ACTR3: variants seen among roughly 807,000 people sequenced by gnomAD.
ACTR3 encodes the protein actin-related protein 3.
In ACTR3, 12 loss-of-function variants were observed where a neutral mutation model predicts 56.8. The observed-to-expected ratio is 0.21, with a 90% CI of 0.14 to 0.34. The LOEUF is 0.34. Among genes scored for constraint, ACTR3 ranks in the 10% least tolerant of loss-of-function variants. The pLI, the probability that ACTR3 is intolerant of heterozygous loss-of-function variation, is 1.00. For synonymous variants in ACTR3, 162 were observed against 167.4 expected, an observed-to-expected ratio of 0.97 and a Z score of 0.25; for missense variants, 282 against 512.5, an observed-to-expected ratio of 0.55 and a Z score of 4.34.
Position 113,890,270 on chromosome 2 carries a change from G to A in ACTR3, c.-10G>A. On this transcript the variant is annotated 5_prime_UTR_variant, in exon 1 of 12. Coordinates refer to ENST00000263238, the MANE Select transcript of ACTR3 (RefSeq NM_005721.5). ...GACGGCGGCAGCAGCAGCAGCAGGC[G>A]AGGAGGAAGATGGCGGGACGGCTGC... The A allele has an allele frequency of 6.4e-7, 1 of 1,551,206 alleles. No individual in the cohort carries two copies.
intron 5 of ACTR3, among the ~76,000 whole-genome samples, chr2:113,932,350 TGAG>T (rs1226766530): frequency 4.6e-5 from 7 of 152,182 alleles, no homozygotes; most frequent in African/African-American, 1.4e-4. Context: ...ATGAATAAAA[TGAG>T]GAGTTGGGAA....
intron 1 of ACTR3, among the ~76,000 whole-genome samples, chr2:113,910,445 C>T (rs1679286341): frequency 6.6e-6 from 1 of 152,030 alleles, no homozygotes; most frequent in Non-Finnish European, 1.5e-5. Context: ...GCCACTTTAG[C>T]AAATTAATTG....
Position 113,942,206 on chromosome 2 carries a change from C to T in ACTR3, c.705C>T (p.Cys235=). 3.2e-6 allele frequency: 5 copies of T among 1,580,786 alleles called. No homozygotes were observed. Among genetic ancestry groups the T allele is most frequent in the Admixed American group, 1.9e-5 (1 of 51,922 alleles). The change falls in exon 8 of 12, where the codon TGC becomes TGT. Residue 235 remains cysteine, a synonymous_variant. Coordinates refer to ENST00000263238, the MANE Select transcript of ACTR3 (RefSeq NM_005721.5). Reference sequence around the variant, plus strand: ...TTCAGGAGCGCTATAGTTATGTCTGCCCAGATTTAGTAAAAGAATTTAACA... The same window carrying T: ...TTCAGGAGCGCTATAGTTATGTCTGTCCAGATTTAGTAAAAGAATTTAACA... ...KAVKERYSYV[C]PDLVKEFNKY... is the part of the protein sequence containing the mutation.
chr2:113,927,971 A>G (rs767525890), intron 4 of ACTR3, among the ~76,000 whole-genome samples: 3 of 152,226 alleles, frequency 2.0e-5, no homozygotes, highest in Non-Finnish European at 2.9e-5. Flanking sequence ...AACATTTTCA[A>G]TTTTAACAAA....
chr2:113,942,738 A>G (rs2104620348), intron 8 of ACTR3, among the ~76,000 whole-genome samples: 1 of 152,190 alleles, frequency 6.6e-6, no homozygotes, highest in South Asian at 2.1e-4. Context: ...TATTTGTGTA[A>G]AATGACCATT....
intron 2 of ACTR3, among the ~76,000 whole-genome samples, chr2:113,914,614 CAAAAAAAAAA>C (rs55784117): frequency 2.9e-5 from 2 of 69,230 alleles, no homozygotes; most frequent in East Asian, 3.4e-4. Flanking sequence ...GACTCAGTCT[CAAAAAAAAAA>C]AAAAAAAAAG....
At position 113,960,747 on chromosome 2, in the gene ACTR3, T is replaced by C. The variant is rs1263083184; in HGVS notation, c.*3292T>C. On this transcript the variant is annotated 3_prime_UTR_variant, in exon 12 of 12. Transcript: ENST00000263238. ...GTAGTTCATAGTCACCAGGCATGAG[T>C]ACCTTGGATAGCCCTCTGAAGTCTG... The C allele has an allele frequency of 6.6e-6, 1 of 151,934 alleles. No individual in the cohort carries two copies. The highest frequency in any genetic ancestry group is 2.4e-5 in the African/African-American group (1 of 41,404). The allele number at this position is 151,934 out of a possible 1,614,324, so 9.4% of individuals were successfully genotyped here.
At chr2:113,949,572 T>C (rs1387094602) in intron 8 of ACTR3, among the ~76,000 whole-genome samples, 1 of 152,010 alleles carries the variant, frequency 6.6e-6, no homozygotes. Context: ...ATTTTGATTA[T>C]TTATTTAGAG....
chr2:113,890,590 C>T, intron 1 of ACTR3: 4 of 1,350,438 alleles, frequency 3.0e-6, no homozygotes, highest in South Asian at 1.8e-5. Flanking sequence ...CCTCCCGGCC[C>T]TTCCCCCACT....
chr2:113,955,588 T>C (rs1680194614), intron 10 of ACTR3, 35 bp from the exon 11 acceptor site: 6 of 1,443,978 alleles, frequency 4.2e-6, no homozygotes, highest in Middle Eastern at 1.7e-4. Context: ...TATTTGAATT[T>C]ACTATGAAGA....
chr2:113,901,153 T>C (rs1056714255), intron 1 of ACTR3, among the ~76,000 whole-genome samples: 1 of 152,086 alleles, frequency 6.6e-6, no homozygotes, highest in Non-Finnish European at 1.5e-5. Flanking sequence ...ACCCCATCTC[T>C]ACTAAAAACA....
chr2:113,929,310 T>A (rs1433010959), intron 4 of ACTR3, among the ~76,000 whole-genome samples: 4 of 151,858 alleles, frequency 2.6e-5, no homozygotes, highest in African/African-American at 4.8e-5. Flanking sequence ...ACCTGGGTAA[T>A]GTGTTCTGGT....
At chr2:113,901,085 C>A (rs193142813) in intron 1 of ACTR3, among the ~76,000 whole-genome samples, 1 of 152,148 alleles carries the variant, frequency 6.6e-6, no homozygotes, top group South Asian at 2.1e-4. Context: ...TTTGGGAGGC[C>A]GAGGCCGCAG....
intron 1 of ACTR3, among the ~76,000 whole-genome samples, chr2:113,912,320 G>T (rs993652950): frequency 8.6e-5 from 13 of 151,944 alleles, no homozygotes; most frequent in African/African-American, 3.1e-4. Context: ...TCTCTTTAAA[G>T]CCTGCTTATA....
intron 4 of ACTR3, 103 bp downstream of exon 4, chr2:113,927,558 A>G: frequency 1.4e-6 from 1 of 695,694 alleles, no homozygotes; most frequent in Non-Finnish European, 2.4e-6. Flanking sequence ...AAATTGTCAT[A>G]TGTCTAAATG....
At chr2:113,890,472 G>T in intron 1 of ACTR3, 149 bp downstream of exon 1, 1 of 1,282,048 alleles carries the variant, frequency 7.8e-7, no homozygotes, top group Admixed American at 3.1e-5. Flanking sequence ...GGTGGGGCCC[G>T]CAGCCAGGGC....
At chr2:113,944,645 C>T (rs547197993) in intron 8 of ACTR3, among the ~76,000 whole-genome samples, 15 of 150,040 alleles carry the variant, frequency 1.0e-4, no homozygotes, top group African/African-American at 3.7e-4. Context: ...GCCTGTAGTC[C>T]CAGCTACTCG....
At chr2:113,924,705 T>C (rs1176386993) in intron 3 of ACTR3, among the ~76,000 whole-genome samples, 3 of 152,108 alleles carry the variant, frequency 2.0e-5, no homozygotes, top group Non-Finnish European at 4.4e-5. Flanking sequence ...TGTTTTTGTA[T>C]ACCATGCAGT....
At chr2:113,951,341 A>G (rs745337762) in intron 8 of ACTR3, 138 bp from the exon 9 acceptor site, 8 of 540,894 alleles carry the variant, frequency 1.5e-5, no homozygotes, top group Non-Finnish European at 2.3e-5. Context: ...AGTGTCTTCA[A>G]TCTGAATCTG....
Sources: gnomAD v4.1 joint callset for allele counts (sites outside exome capture counted in the v4.1 genomes callset) on GRCh38, gnomAD v4.1.1 for gene constraint, MANE v1.5 for transcripts, NCBI Gene and HGNC (gene_info 2026-07-23, HGNC 2026-07-21) for gene names.